Variants in RAP1GAP observed in about 807,000 individuals in gnomAD.
The protein encoded by RAP1GAP is rap1 GTPase-activating protein 1.
A neutral mutation model predicts 87.2 loss-of-function variants in RAP1GAP; 35 were observed. That is an observed-to-expected ratio of 0.40 (90% CI 0.31 to 0.53). The LOEUF (loss-of-function observed/expected upper bound fraction) is 0.53, where lower values mean the gene tolerates loss of function less well. Ranked by LOEUF, RAP1GAP falls within the 20% of genes least tolerant of loss-of-function variation. RAP1GAP has a pLI of 0.48. For synonymous variants in RAP1GAP, 375 were observed against 363.9 expected (o/e 1.03, Z -0.35); for missense variants, 734 against 898.9 (o/e 0.82, Z 2.35).
intron 20 of RAP1GAP, among the ~76,000 whole-genome samples, chr1:21,601,428 C>G (rs999022988): frequency 6.6e-6 from 1 of 152,246 alleles, no homozygotes; most frequent in African/African-American, 2.4e-5. Context: ...AGGCCGCGTT[C>G]TGATGGACCT....
chr1:21,666,746 G>A (rs2097364558), intron 1 of RAP1GAP, among the ~76,000 whole-genome samples: 1 of 151,760 alleles, frequency 6.6e-6, no homozygotes, highest in Admixed American at 6.6e-5. Flanking sequence ...GGTGTGGGTG[G>A]GTGCATGTGC....
intron 1 of RAP1GAP, chr1:21,651,501 T>C: frequency 1.5e-6 from 1 of 645,228 alleles, no homozygotes; most frequent in Non-Finnish European, 3.0e-6. Flanking sequence ...ATCATGTGCT[T>C]AGACACAAAC....
intron 20 of RAP1GAP, among the ~76,000 whole-genome samples, chr1:21,599,843 C>T (rs2066714195): frequency 6.6e-6 from 1 of 152,238 alleles, no homozygotes; most frequent in Non-Finnish European, 1.5e-5. Flanking sequence ...CGTCCCTCCC[C>T]TGCTCAAAAC....
chr1:21,622,751 A>G lies in RAP1GAP; in HGVS notation c.-18-2701T>C, dbSNP rs1480036135. On this transcript the variant is annotated intron_variant, in intron 3 of 24. Transcript: ENST00000374765. The surrounding 1 kb of genome is among the most constrained non-coding windows in gnomAD (Gnocchi z 5.7). Reference sequence around the variant, plus strand: ...GTCGGGCTCCCCGAGGGGGCCCCCCACTCGGTTCTCCCCAGCGCGCCCCCA... The same window carrying G: ...GTCGGGCTCCCCGAGGGGGCCCCCCGCTCGGTTCTCCCCAGCGCGCCCCCA... Among the ~76,000 whole-genome samples, 1 of 151,316 alleles carries G rather than the reference A, an allele frequency of 6.6e-6. No homozygotes were observed. Among genetic ancestry groups the G allele is most frequent in the East Asian group, 2.0e-4 (1 of 5,080 alleles).
intron 1 of RAP1GAP, among the ~76,000 whole-genome samples, chr1:21,666,813 C>T (rs829378): frequency 0.22 from 33,419 of 151,956 alleles, 3,919 homozygotes; most frequent in South Asian, 0.27. Context: ...TTCCTGCATG[C>T]GCGTGTACCA....
At chr1:21,604,048 A>C in intron 18 of RAP1GAP, 4 of 706,766 alleles carry the variant, frequency 5.7e-6, no homozygotes, top group Non-Finnish European at 6.9e-6. Flanking sequence ...AAGGAAGAGA[A>C]CGGTGCAGGA....
intron 1 of RAP1GAP, chr1:21,651,787 G>C (rs1444953898): frequency 5.0e-6 from 7 of 1,398,220 alleles, no homozygotes; most frequent in Non-Finnish European, 6.5e-6. Flanking sequence ...ACCCGCCGTA[G>C]GCCCCGAAGG....
chr1:21,603,159 G>C lies in RAP1GAP; in HGVS notation c.1429-246C>G. On this transcript the variant is annotated intron_variant, in intron 18 of 24. Transcript: ENST00000374765. This position sits in a 1 kb window ranked among gnomAD's most constrained non-coding sequence, Gnocchi z 6.0. The stretch of plus-strand genomic sequence containing the variant: ...GCACGTCAATACTGGCCCAGGATTA[G>C]GACAGCATCCTGAGGGGGCTAGGGT... The C allele has an allele frequency of 2.0e-6, 1 of 509,222 alleles. No individual in the cohort carries two copies. The highest frequency in any genetic ancestry group is 3.5e-6 in the Non-Finnish European group (1 of 284,824). The allele number at this position is 509,222 out of a possible 1,614,324, so 31.5% of individuals were successfully genotyped here. A position where few individuals can be genotyped will look rare whatever the true frequency, so the allele number is the denominator to read the frequency against.
intron 23 of RAP1GAP, 109 bp from the exon 24 acceptor site, chr1:21,597,837 C>T: frequency 6.6e-7 from 1 of 1,525,906 alleles, no homozygotes; most frequent in Non-Finnish European, 9.0e-7. Flanking sequence ...GCAAGCCCCA[C>T]CCCTCCTGGC....
At chr1:21,645,268 A>G (rs1204780304) in intron 2 of RAP1GAP, among the ~76,000 whole-genome samples, 2 of 152,140 alleles carry the variant, frequency 1.3e-5, no homozygotes, top group Admixed American at 1.3e-4. Flanking sequence ...ACCTCTGCCC[A>G]TTCTGGTCCC....
chr1:21,613,380 A>T lies in RAP1GAP; in HGVS notation c.475-151T>A. 2 of 799,868 alleles carry T rather than the reference A, an allele frequency of 2.5e-6. No homozygotes were observed. The highest frequency in any genetic ancestry group is 3.0e-5 in the South Asian group (2 of 66,022). 49.5% of individuals were successfully genotyped at this position (799,868 alleles called of 1,614,324 possible). On this transcript the variant is annotated intron_variant, in intron 9 of 24. Coordinates refer to ENST00000374765, the MANE Select transcript of RAP1GAP (RefSeq NM_002885.4). This position sits in a 1 kb window ranked among gnomAD's most constrained non-coding sequence, Gnocchi z 4.7. The stretch of plus-strand genomic sequence containing the variant: ...ACTCGGGGTTCACTGTTGCTCAGGG[A>T]ACGGAGGTCCCCTGAGATCTGAAGG...
At chr1:21,605,869 G>C (rs1041812810) in intron 18 of RAP1GAP, among the ~76,000 whole-genome samples, 197 bp downstream of exon 18, 2 of 152,236 alleles carry the variant, frequency 1.3e-5, no homozygotes, top group Non-Finnish European at 1.5e-5. Context: ...GCTGCAAGCT[G>C]TCAGCACCGC....
chr1:21,651,838 G>A (rs1171427970), intron 1 of RAP1GAP: 1 of 1,144,056 alleles, frequency 8.7e-7, no homozygotes, highest in Non-Finnish European at 1.1e-6. Flanking sequence ...CGCCGCCGCC[G>A]CCCGGCCCGG....
intron 14 of RAP1GAP, 81 bp downstream of exon 14, chr1:21,610,039 G>A: frequency 6.7e-7 from 1 of 1,503,748 alleles, no homozygotes; most frequent in South Asian, 1.3e-5. Flanking sequence ...AAAAAGTGAG[G>A]CTCAGAGGGG....
At chr1:21,597,573 G>C (rs1645787040) in intron 24 of RAP1GAP, 113 bp downstream of exon 24, 1 of 1,177,168 alleles carries the variant, frequency 8.5e-7, no homozygotes, top group Admixed American at 2.9e-5. Context: ...CTCAAACCCA[G>C]ATACATAGCT....
At position 21,651,721 on chromosome 1, in the gene RAP1GAP, C is replaced by A. The variant is rs957623263; in HGVS notation, c.-148-1925G>T. Reference sequence around the variant, plus strand: ...AGCACACCCCGCACGGGCTCCCCCCCACGCGTGCACACGCACACGCGCGCA... The same window carrying A: ...AGCACACCCCGCACGGGCTCCCCCCAACGCGTGCACACGCACACGCGCGCA... On this transcript the variant is annotated intron_variant, in intron 1 of 24. Coordinates refer to ENST00000374765, the MANE Select transcript of RAP1GAP (RefSeq NM_002885.4). The A allele has an allele frequency of 6.2e-5, 90 of 1,459,086 alleles. No individual in the cohort carries two copies. The East Asian group carries it at 6.9e-4, about 11-fold the overall frequency. 90.4% of individuals were successfully genotyped at this position (1,459,086 alleles called of 1,614,324 possible). A position where few individuals can be genotyped will look rare whatever the true frequency, so the allele number is the denominator to read the frequency against.
chr1:21,623,980 T>G (rs982354754), intron 3 of RAP1GAP, among the ~76,000 whole-genome samples: 1 of 152,170 alleles, frequency 6.6e-6, no homozygotes, highest in Non-Finnish European at 1.5e-5. Context: ...TGTCTTTCTG[T>G]GTGTATGGGA....
chr1:21,648,170 A>T (rs1571300312), intron 2 of RAP1GAP, among the ~76,000 whole-genome samples: 1 of 152,226 alleles, frequency 6.6e-6, no homozygotes, highest in Non-Finnish European at 1.5e-5. Flanking sequence ...GGAATGGCCG[A>T]TCTTTACTTG....
intron 1 of RAP1GAP, among the ~76,000 whole-genome samples, chr1:21,658,146 C>G (rs940602056): frequency 6.6e-6 from 1 of 152,202 alleles, no homozygotes; most frequent in African/African-American, 2.4e-5. Context: ...CATCCTAGAA[C>G]CTAACTCTGG....
Sources: allele counts gnomAD v4.1 joint callset (sites outside exome capture counted in the v4.1 genomes callset), GRCh38; gene constraint gnomAD v4.1.1; non-coding constraint Gnocchi (gnomAD v3.1); transcripts MANE v1.5; gene names NCBI Gene and HGNC (gene_info 2026-07-23, HGNC 2026-07-21).